IMPA2: variants seen among roughly 807,000 people sequenced by gnomAD.
IMPA2 encodes IMP 2.
IMPA2 carries 32 observed loss-of-function variants against 35.1 expected under a neutral mutation model. The observed-to-expected ratio is 0.91, with a 90% CI of 0.69 to 1.23. The LOEUF (loss-of-function observed/expected upper bound fraction) is 1.23. Among genes scored for constraint, IMPA2 ranks in the 50% most tolerant of loss-of-function variants. The probability of loss-of-function intolerance (pLI) is 0.00; values close to 1 mark genes in which losing one functional copy is unlikely to be tolerated. For synonymous variants in IMPA2, 135 were observed against 160.6 expected, an observed-to-expected ratio of 0.84 and a Z score of 1.20; for missense variants, 334 against 387.6, an observed-to-expected ratio of 0.86 and a Z score of 1.16.
In IMPA2 at chr18:12,010,613, T is replaced by A. The variant is rs1448846102; in HGVS notation, c.335+626T>A. 1.3e-5 allele frequency among the ~76,000 whole-genome samples: 2 copies of A among 152,144 alleles called. No individual in the cohort carries two copies. Among genetic ancestry groups the A allele is most frequent in the Admixed American group, 6.5e-5 (1 of 15,274 alleles). On this transcript the variant is annotated intron_variant, in intron 3 of 7. Transcript: ENST00000269159. This position sits in a 1 kb window ranked among gnomAD's most constrained non-coding sequence, Gnocchi z 4.8. The stretch of plus-strand genomic sequence containing the variant: ...CTACACGCACAGGTGGCTGGGGGCC[T>A]GGGGCACAGAGCATGATGTGGCTTA...
intron 2 of IMPA2, among the ~76,000 whole-genome samples, chr18:12,007,209 G>GTATCATTAAAAAA (rs1907274131): frequency 4.1e-5 from 6 of 146,588 alleles, no homozygotes; most frequent in African/African-American, 1.0e-4. Context: ...CACTGCCAGC[G>GTATCATTAAAAAA]GCTCTGTCTG....
intron 1 of IMPA2, among the ~76,000 whole-genome samples, chr18:11,984,021 G>A (rs2143770239): frequency 6.6e-6 from 1 of 152,264 alleles, no homozygotes; most frequent in African/African-American, 2.4e-5. Flanking sequence ...CTACCACTCT[G>A]TTGTTCGCTG....
chr18:12,017,662 C>T, intron 5 of IMPA2: 1 of 406,570 alleles, frequency 2.5e-6, no homozygotes. Flanking sequence ...AGTCTTGGCT[C>T]ACTGCAGCCT....
chr18:11,984,147 C>T (rs567154210), intron 1 of IMPA2, among the ~76,000 whole-genome samples: 7 of 152,194 alleles, frequency 4.6e-5, no homozygotes, highest in Admixed American at 1.3e-4. Context: ...AGACTGGTTC[C>T]GCTCAAGGTG....
At chr18:12,028,003 AC>A (rs1222660486) in intron 5 of IMPA2, 39 bp from the exon 6 acceptor site, 1 of 1,386,916 alleles carries the variant, frequency 7.2e-7, no homozygotes, top group Admixed American at 1.7e-5. Flanking sequence ...TAGAACCAAG[AC>A]TTGATTTTTC....
Position 12,010,260 on chromosome 18 carries a change from C to T in IMPA2, c.335+273C>T. Reference sequence around the variant, plus strand: ...GTTGGGTTGCATTTAACAAGGACCCCTTGAAGGAGTCTGACTCCCCTCACA... The same window carrying T: ...GTTGGGTTGCATTTAACAAGGACCCTTTGAAGGAGTCTGACTCCCCTCACA... On this transcript the variant is annotated intron_variant, in intron 3 of 7. Coordinates refer to ENST00000269159, the MANE Select transcript of IMPA2 (RefSeq NM_014214.3). The surrounding 1 kb of genome is among the most constrained non-coding windows in gnomAD (Gnocchi z 4.8). 2.8e-6 allele frequency: 1 copy of T among 361,394 alleles called. No homozygotes were observed. The highest frequency in any genetic ancestry group is 3.4e-5 in the South Asian group (1 of 29,262). The allele number at this position is 361,394 out of a possible 1,614,324, so 22.4% of individuals were successfully genotyped here.
chr18:12,022,528 A>AAATGTATAT (rs68185380), intron 5 of IMPA2, among the ~76,000 whole-genome samples: 1 of 96,822 alleles, frequency 1.0e-5, no homozygotes, highest in Admixed American at 1.1e-4. Flanking sequence ...TCTCAAAAAG[A>AAATGTATAT]ATATATATAT....
intron 1 of IMPA2, among the ~76,000 whole-genome samples, chr18:11,995,681 C>T (rs1020855303): frequency 8.5e-5 from 13 of 152,082 alleles, no homozygotes; most frequent in African/African-American, 2.4e-4. Flanking sequence ...GGTCTGAGTG[C>T]AGGAAGCAGA....
intron 1 of IMPA2, 39 bp downstream of exon 1, chr18:11,981,804 A>G: frequency 8.4e-7 from 1 of 1,195,906 alleles, no homozygotes; most frequent in Non-Finnish European, 1.0e-6. Context: ...CGGGCGGAGC[A>G]GAAGCGCGTG....
chr18:12,013,425 A>C (rs1907488124), intron 4 of IMPA2, among the ~76,000 whole-genome samples: 3 of 152,310 alleles, frequency 2.0e-5, no homozygotes, highest in African/African-American at 4.8e-5. Flanking sequence ...CAACCGCCAG[A>C]AATAAACCCT....
chr18:12,011,420 C>T (rs74406843), intron 3 of IMPA2, among the ~76,000 whole-genome samples: 7,162 of 152,294 alleles, frequency 0.047, 194 homozygotes, highest in Middle Eastern at 0.085. Flanking sequence ...CTGGAACAAG[C>T]GTGAGGCCTG....
chr18:12,014,781 A>G (rs1397149903), intron 5 of IMPA2, among the ~76,000 whole-genome samples: 1 of 152,126 alleles, frequency 6.6e-6, no homozygotes, highest in Non-Finnish European at 1.5e-5. Context: ...CTGAGTGTGC[A>G]CAACAGTAAC....
chr18:12,008,736 C>T, intron 2 of IMPA2: 1 of 359,834 alleles, frequency 2.8e-6, no homozygotes, highest in Non-Finnish European at 5.5e-6. Flanking sequence ...CTGGGAGTTG[C>T]CATTCGTGGA....
At chr18:12,007,203 G>A (rs1907273685) in intron 2 of IMPA2, among the ~76,000 whole-genome samples, 1 of 137,198 alleles carries the variant, frequency 7.3e-6, no homozygotes, top group Non-Finnish European at 1.6e-5. Context: ...GGACAGCACT[G>A]CCAGCGGCTC....
Position 12,010,274 on chromosome 18 carries a change from A to C in IMPA2, c.335+287A>C. The C allele has an allele frequency of 3.3e-6, 1 of 305,554 alleles. No homozygotes were observed. The allele number at this position is 305,554 out of a possible 1,614,324, so 18.9% of individuals were successfully genotyped here. On this transcript the variant is annotated intron_variant, in intron 3 of 7. Coordinates refer to ENST00000269159, the MANE Select transcript of IMPA2 (RefSeq NM_014214.3). The surrounding 1 kb of genome is among the most constrained non-coding windows in gnomAD (Gnocchi z 4.8). ...AACAAGGACCCCTTGAAGGAGTCTG[A>C]CTCCCCTCACACCCCACCCCCACTG...
In IMPA2 at chr18:11,999,036, C is replaced by T. The variant is rs897637832; in HGVS notation, c.97-18C>T. The T allele has an allele frequency of 3.1e-6, 5 of 1,600,874 alleles. No individual in the cohort carries two copies. Among genetic ancestry groups the T allele is most frequent in the Admixed American group, 3.4e-5 (2 of 58,514 alleles). On this transcript the variant is annotated intron_variant, in intron 1 of 7. Transcript: ENST00000269159. ...GGATGTTTGCATGTTTAACCCAAATCCCGTACTTTTATTTCAGATCATCAG... is the reference window on the plus strand; with the variant it reads ...GGATGTTTGCATGTTTAACCCAAATTCCGTACTTTTATTTCAGATCATCAG...
At chr18:11,998,314 C>G (rs1301487720) in intron 1 of IMPA2, among the ~76,000 whole-genome samples, 1 of 152,244 alleles carries the variant, frequency 6.6e-6, no homozygotes, top group African/African-American at 2.4e-5. Flanking sequence ...TTGGGACCAT[C>G]CCAGTCCTTG....
intron 2 of IMPA2, among the ~76,000 whole-genome samples, chr18:12,004,047 G>C (rs4352114): frequency 6.6e-6 from 1 of 152,050 alleles, no homozygotes; most frequent in African/African-American, 2.4e-5. Flanking sequence ...CCAGCACAGA[G>C]CAGTGTCTGT....
At chr18:11,999,972 C>T (rs1423703169) in intron 2 of IMPA2, among the ~76,000 whole-genome samples, 1 of 152,096 alleles carries the variant, frequency 6.6e-6, no homozygotes, top group Non-Finnish European at 1.5e-5. Flanking sequence ...TGCAAGGGAT[C>T]TTTTTTCTTC....
Sources: gnomAD v4.1 joint callset for allele counts (sites outside exome capture counted in the v4.1 genomes callset) on GRCh38, gnomAD v4.1.1 for gene constraint, Gnocchi (gnomAD v3.1) non-coding constraint, MANE v1.5 for transcripts, NCBI Gene and HGNC (gene_info 2026-07-23, HGNC 2026-07-21) for gene names.